FAM210B: variants seen among roughly 807,000 people sequenced by gnomAD.
The protein encoded by FAM210B is family with sequence similarity 210 member B.
Under a neutral mutation model 14.9 loss-of-function variants are expected in FAM210B, and 11 were observed. The observed-to-expected ratio is 0.74, with a 90% CI of 0.46 to 1.22. The LOEUF (loss-of-function observed/expected upper bound fraction) is 1.22, where lower values mean the gene tolerates loss of function less well. Ranked by LOEUF, FAM210B falls within the 50% of genes most tolerant of loss-of-function variation. The pLI, the probability that FAM210B is intolerant of heterozygous loss-of-function variation, is 0.00. For synonymous variants in FAM210B, 113 were observed against 110.2 expected, an observed-to-expected ratio of 1.03 and a Z score of -0.16; for missense variants, 229 against 250.1, an observed-to-expected ratio of 0.92 and a Z score of 0.57.
At position 56,366,663 on chromosome 20, in the gene FAM210B, T is replaced by C. The variant is rs1333642690; in HGVS notation, c.*376T>C. Reference sequence around the variant, plus strand: ...CAGTTTCCTAAAAAGCATTGATTAATTTAACTGGCTTTTAAATATCCCCTT... The same window carrying C: ...CAGTTTCCTAAAAAGCATTGATTAACTTAACTGGCTTTTAAATATCCCCTT... On this transcript the variant is annotated 3_prime_UTR_variant, in exon 3 of 3. Coordinates refer to ENST00000371384, the MANE Select transcript of FAM210B (RefSeq NM_080821.3). 2.7e-5 allele frequency: 5 copies of C among 187,424 alleles called. No homozygotes were observed. The highest frequency in any genetic ancestry group is 5.5e-5 in the Non-Finnish European group (5 of 90,220). The allele number at this position is 187,424 out of a possible 1,614,324, so 11.6% of individuals were successfully genotyped here.
At position 56,366,365 on chromosome 20, in the gene FAM210B, T is replaced by A; in HGVS notation, c.*78T>A. On this transcript the variant is annotated 3_prime_UTR_variant, in exon 3 of 3. Coordinates refer to ENST00000371384, the MANE Select transcript of FAM210B (RefSeq NM_080821.3). ...TTGGATTGGTTTTAGGGTTTTAGGG[T>A]TGTAGGGTTTCTTTTGGAGAGGTAG... 1.4e-6 allele frequency: 2 copies of A among 1,441,656 alleles called. No homozygotes were observed. The highest frequency in any genetic ancestry group is 2.5e-5 in the South Asian group (2 of 80,396). The allele number at this position is 1,441,656 out of a possible 1,614,324, so 89.3% of individuals were successfully genotyped here.
chr20:56,366,347 G>T lies in FAM210B; in HGVS notation c.*60G>T. 1.3e-6 allele frequency: 2 copies of T among 1,491,200 alleles called. No individual in the cohort carries two copies. Among genetic ancestry groups the T allele is most frequent in the South Asian group, 1.2e-5 (1 of 84,096 alleles). 92.4% of individuals were successfully genotyped at this position (1,491,200 alleles called of 1,614,324 possible). On this transcript the variant is annotated 3_prime_UTR_variant, in exon 3 of 3. Coordinates refer to ENST00000371384, the MANE Select transcript of FAM210B (RefSeq NM_080821.3). ...TCTTCTAAATTACATGATTTGGATT[G>T]GTTTTAGGGTTTTAGGGTTGTAGGG...
At chr20:56,361,329 C>G (rs1983528208) in intron 1 of FAM210B, among the ~76,000 whole-genome samples, 1 of 152,122 alleles carries the variant, frequency 6.6e-6, no homozygotes, top group East Asian at 1.9e-4. Context: ...AGGTAGCAGC[C>G]CTGGTATTTT....
At position 56,366,056 on chromosome 20, in the gene FAM210B, C is replaced by T; in HGVS notation, c.363-15C>T. 1 of 1,598,786 alleles carries T rather than the reference C, an allele frequency of 6.3e-7. No homozygotes were observed. The highest frequency in any genetic ancestry group is 8.6e-7 in the Non-Finnish European group (1 of 1,168,560). On this transcript the variant is annotated splice_polypyrimidine_tract_variant and intron_variant, in intron 2 of 2. Coordinates refer to ENST00000371384, the MANE Select transcript of FAM210B (RefSeq NM_080821.3). Reference sequence around the variant, plus strand: ...CTTGCTGTAATAATTGTTTTCTTTGCTTCTTCCCCCCTAGTGGTGTGGACA... The same window carrying T: ...CTTGCTGTAATAATTGTTTTCTTTGTTTCTTCCCCCCTAGTGGTGTGGACA...
intron 1 of FAM210B, among the ~76,000 whole-genome samples, chr20:56,361,668 A>G (rs577526164): frequency 6.6e-6 from 1 of 152,194 alleles, no homozygotes; most frequent in African/African-American, 2.4e-5. Flanking sequence ...ATGCATTAAT[A>G]TTTCCTTTTT....
Position 56,368,204 on chromosome 20 carries a change from C to A in FAM210B, c.*1917C>A, listed in dbSNP as rs1451110737. The stretch of plus-strand genomic sequence containing the variant: ...CTCCACAGCTAAGTGAGATGCCTCA[C>A]ACCATTAGGTGATGCTTTGGACAGA... On this transcript the variant is annotated 3_prime_UTR_variant, in exon 3 of 3. Coordinates refer to ENST00000371384, the MANE Select transcript of FAM210B (RefSeq NM_080821.3). 4 of 152,638 alleles carry A rather than the reference C, an allele frequency of 2.6e-5. No homozygotes were observed. The highest frequency in any genetic ancestry group is 4.4e-5 in the Non-Finnish European group (3 of 68,046). 9.5% of individuals were successfully genotyped at this position (152,638 alleles called of 1,614,324 possible). A position where few individuals can be genotyped will look rare whatever the true frequency, so the allele number is the denominator to read the frequency against.
At chr20:56,364,828 C>T (rs2146108934) in intron 1 of FAM210B, among the ~76,000 whole-genome samples, 1 of 152,282 alleles carries the variant, frequency 6.6e-6, no homozygotes, top group African/African-American at 2.4e-5. Context: ...GTGGCACACA[C>T]CTGTAATCCC....
intron 1 of FAM210B, among the ~76,000 whole-genome samples, chr20:56,364,730 G>A (rs989367741): frequency 1.3e-5 from 2 of 152,122 alleles, no homozygotes; most frequent in African/African-American, 4.8e-5. Flanking sequence ...CAAGGCGGGT[G>A]GATCACCAGG....
rs944391990 is a variant in FAM210B, at chr20:56,362,672, C to G, written c.187-2415C>G. Among the ~76,000 whole-genome samples, 3 of 152,212 alleles carry G rather than the reference C, an allele frequency of 2.0e-5. No homozygotes were observed. The highest frequency in any genetic ancestry group is 7.2e-5 in the African/African-American group (3 of 41,460). On this transcript the variant is annotated intron_variant, in intron 1 of 2. Coordinates refer to ENST00000371384, the MANE Select transcript of FAM210B (RefSeq NM_080821.3). The surrounding 1 kb of genome is among the most constrained non-coding windows in gnomAD (Gnocchi z 4.8). Reference sequence around the variant, plus strand: ...TGTCAGAAGCCAACCGTGGTGCCAGCTAACCCGAGATTGTCCCTGTGTCTG... The same window carrying G: ...TGTCAGAAGCCAACCGTGGTGCCAGGTAACCCGAGATTGTCCCTGTGTCTG...
chr20:56,359,034 C>G lies in FAM210B; in HGVS notation c.29C>G (p.Pro10Arg), dbSNP rs766187329. 1.5e-6 allele frequency: 2 copies of G among 1,347,868 alleles called. No individual in the cohort carries two copies. Among genetic ancestry groups the G allele is most frequent in the South Asian group, 1.6e-5 (1 of 61,636 alleles). The allele number at this position is 1,347,868 out of a possible 1,614,324, so 83.5% of individuals were successfully genotyped here. Residue 10 changes from proline (P) to arginine (R), a missense_variant, in exon 1 of 3, where the codon CCG (proline) becomes CGG (arginine). Coordinates refer to ENST00000371384, the MANE Select transcript of FAM210B (RefSeq NM_080821.3). This position sits in a 1 kb window ranked among gnomAD's most constrained non-coding sequence, Gnocchi z 4.3. Reference sequence around the variant, plus strand: ...GCCGGGTTGCTGGCGTTGCTGGGTCCGGCAGGCAGGGTGGGCGCCCGGGTC... The same window carrying G: ...GCCGGGTTGCTGGCGTTGCTGGGTCGGGCAGGCAGGGTGGGCGCCCGGGTC... MAGLLALLG[P>R]AGRVGARVRP...
chr20:56,359,012 G>C lies in FAM210B; in HGVS notation c.7G>C (p.Gly3Arg). ...CTGCGCCTAGCTGCGCACCATGGCC[G>C]GGTTGCTGGCGTTGCTGGGTCCGGC... is the stretch of plus-strand genomic sequence containing the variant. MA[G>R]LLALLGPAGR... The change falls in exon 1 of 3, where the codon GGG becomes CGG. Residue 3 changes from glycine to arginine, a missense_variant. Gly to Arg is a moderately radical substitution (Grantham distance 125). This residue lies in a region of FAM210B where 144 missense variants were observed against 132.5 expected (regional missense o/e 1.09). Coordinates refer to ENST00000371384, the MANE Select transcript of FAM210B (RefSeq NM_080821.3). This position sits in a 1 kb window ranked among gnomAD's most constrained non-coding sequence, Gnocchi z 4.3. The C allele has an allele frequency of 7.6e-7, 1 of 1,319,618 alleles. No individual in the cohort carries two copies. The highest frequency in any genetic ancestry group is 9.7e-7 in the Non-Finnish European group (1 of 1,029,380). The allele number at this position is 1,319,618 out of a possible 1,614,324, so 81.7% of individuals were successfully genotyped here. A position where few individuals can be genotyped will look rare whatever the true frequency, so the allele number is the denominator to read the frequency against.
In FAM210B at chr20:56,366,167, C is replaced by T. The variant is rs1288405352; in HGVS notation, c.459C>T (p.Ala153=). The T allele has an allele frequency of 1.9e-6, 3 of 1,614,044 alleles. No homozygotes were observed. The highest frequency in any genetic ancestry group is 2.5e-6 in the Non-Finnish European group (3 of 1,180,036). Residue 153 remains alanine (A), a synonymous_variant, in exon 3 of 3, where the codon GCC becomes GCT. Transcript: ENST00000371384. ...MAAGTSTFVV[A]YAIHKLFAPV... Reference sequence around the variant, plus strand: ...CAGGCACAAGTACCTTCGTGGTGGCCTATGCAATCCACAAGCTGTTTGCGC... The same window carrying T: ...CAGGCACAAGTACCTTCGTGGTGGCTTATGCAATCCACAAGCTGTTTGCGC...
At position 56,359,295 on chromosome 20, in the gene FAM210B, C is replaced by T; in HGVS notation, c.186+104C>T. 1 of 1,112,648 alleles carries T rather than the reference C, an allele frequency of 9.0e-7. No individual in the cohort carries two copies. The allele number at this position is 1,112,648 out of a possible 1,614,324, so 68.9% of individuals were successfully genotyped here. A position where few individuals can be genotyped will look rare whatever the true frequency, so the allele number is the denominator to read the frequency against. ...CGCCTCCGCCAAGGACGCCTTTGCACTTGTAGCTGCCCGGGACCGAGCTCT... is the reference window on the plus strand; with the variant it reads ...CGCCTCCGCCAAGGACGCCTTTGCATTTGTAGCTGCCCGGGACCGAGCTCT... On this transcript the variant is annotated intron_variant, in intron 1 of 2. Transcript: ENST00000371384. The surrounding 1 kb of genome is among the most constrained non-coding windows in gnomAD (Gnocchi z 4.3).
In FAM210B at chr20:56,365,211, A is replaced by C; in HGVS notation, c.311A>C (p.His104Pro). Reference sequence around the variant, plus strand: ...TATGGCACTGTTGGCGTGTCATTGCACATTGGAATCTCATTAATTTCCTTG... The same window carrying C: ...TATGGCACTGTTGGCGTGTCATTGCCCATTGGAATCTCATTAATTTCCTTG... ...QEYGTVGVSL[H>P]IGISLISLGI... The change falls in exon 2 of 3, where the codon CAC becomes CCC. Residue 104 changes from histidine (H) to proline (P), a missense_variant. This residue lies in a region of FAM210B where 32 missense variants were observed against 62.2 expected (regional missense o/e 0.51). Transcript: ENST00000371384. 1 of 1,614,162 alleles carries C rather than the reference A, an allele frequency of 6.2e-7. No homozygotes were observed. Among genetic ancestry groups the C allele is most frequent in the Non-Finnish European group, 8.5e-7 (1 of 1,180,020 alleles).
In FAM210B at chr20:56,367,758, CT is replaced by C. The variant is rs948479720; in HGVS notation, c.*1472del. 2.0e-5 allele frequency: 3 copies of C among 152,272 alleles called. No individual in the cohort carries two copies. Among genetic ancestry groups the C allele is most frequent in the African/African-American group, 7.2e-5 (3 of 41,460 alleles). 9.4% of individuals were successfully genotyped at this position (152,272 alleles called of 1,614,324 possible). On this transcript the variant is annotated 3_prime_UTR_variant, in exon 3 of 3. Coordinates refer to ENST00000371384, the MANE Select transcript of FAM210B (RefSeq NM_080821.3). Reference sequence around the variant, plus strand: ...GGGTTCAGCATCATGCACGTTCCCCCTGGGCCATTCTCTGATGCAGGGCACT... The same window carrying C: ...GGGTTCAGCATCATGCACGTTCCCCCGGGCCATTCTCTGATGCAGGGCACT...
At chr20:56,361,006 C>G (rs1468656399) in intron 1 of FAM210B, among the ~76,000 whole-genome samples, 3 of 152,230 alleles carry the variant, frequency 2.0e-5, no homozygotes, top group Non-Finnish European at 4.4e-5. Flanking sequence ...CCCACCCACG[C>G]TGCCTTGGCA....
Position 56,359,622 on chromosome 20 carries a change from C to G in FAM210B, c.186+431C>G, listed in dbSNP as rs1983491722. On this transcript the variant is annotated intron_variant, in intron 1 of 2. Transcript: ENST00000371384. The surrounding 1 kb of genome is among the most constrained non-coding windows in gnomAD (Gnocchi z 4.3). Reference sequence around the variant, plus strand: ...TCTTCTGAGTGGAAGAGCAGGCGTCCTCAGGGAAGCCGCGGGCAAGAAACC... The same window carrying G: ...TCTTCTGAGTGGAAGAGCAGGCGTCGTCAGGGAAGCCGCGGGCAAGAAACC... 6.6e-6 allele frequency among the ~76,000 whole-genome samples: 1 copy of G among 152,218 alleles called. No individual in the cohort carries two copies. Among genetic ancestry groups the G allele is most frequent in the Admixed American group, 6.5e-5 (1 of 15,280 alleles).
In FAM210B at chr20:56,362,353, T is replaced by C. The variant is rs1458390753; in HGVS notation, c.187-2734T>C. Among the ~76,000 whole-genome samples, 2 of 152,062 alleles carry C rather than the reference T, an allele frequency of 1.3e-5. No individual in the cohort carries two copies. The highest frequency in any genetic ancestry group is 2.9e-5 in the Non-Finnish European group (2 of 68,024). ...CACACACACTGTCTCACACACACTC[T>C]CACACACATGTGCATGCATGCTGAG... is the stretch of plus-strand genomic sequence containing the variant. On this transcript the variant is annotated intron_variant, in intron 1 of 2. Coordinates refer to ENST00000371384, the MANE Select transcript of FAM210B (RefSeq NM_080821.3). The surrounding 1 kb of genome is among the most constrained non-coding windows in gnomAD (Gnocchi z 4.8).
In FAM210B at chr20:56,362,348, C is replaced by G. The variant is rs1296426241; in HGVS notation, c.187-2739C>G. On this transcript the variant is annotated intron_variant, in intron 1 of 2. Transcript: ENST00000371384. The surrounding 1 kb of genome is among the most constrained non-coding windows in gnomAD (Gnocchi z 4.8). ...TCTCACACACACACTGTCTCACACA[C>G]ACTCTCACACACATGTGCATGCATG... 3.3e-5 allele frequency among the ~76,000 whole-genome samples: 5 copies of G among 151,892 alleles called. No homozygotes were observed. Among genetic ancestry groups the G allele is most frequent in the Non-Finnish European group, 7.4e-5 (5 of 67,968 alleles).
Sources: allele counts gnomAD v4.1 joint callset (sites outside exome capture counted in the v4.1 genomes callset), GRCh38; gene constraint gnomAD v4.1.1; regional missense constraint gnomAD v4.1.1; non-coding constraint Gnocchi (gnomAD v3.1); transcripts MANE v1.5; gene names NCBI Gene and HGNC (gene_info 2026-07-23, HGNC 2026-07-21).